ALKBH2: variants seen among roughly 807,000 people sequenced by gnomAD.
ALKBH2 encodes DNA oxidative demethylase ALKBH2.
A neutral mutation model predicts 19.7 loss-of-function variants in ALKBH2; 19 were observed. The ratio of observed to expected loss-of-function variants is 0.97; its 90% confidence interval spans 0.67 to 1.42. The LOEUF (loss-of-function observed/expected upper bound fraction) is 1.42, where lower values mean the gene tolerates loss of function less well. Ranked by LOEUF, ALKBH2 falls within the 40% of genes most tolerant of loss-of-function variation. The probability of loss-of-function intolerance (pLI) is 0.00; values close to 1 mark genes in which losing one functional copy is unlikely to be tolerated. For synonymous variants in ALKBH2, 135 were observed against 131.2 expected (o/e 1.03, Z -0.20); for missense variants, 310 against 328.5 (o/e 0.94, Z 0.43).
Position 109,088,344 on chromosome 12 carries a change from C to T in ALKBH2, c.648G>A (p.Leu216=). ...TTAGTAAGCTCCCGTGGGCCAGCGGCAGCCTGACCACCGCCACCCTCCTGG... is the reference window on the plus strand; with the variant it reads ...TTAGTAAGCTCCCGTGGGCCAGCGGTAGCCTGACCACCGCCACCCTCCTGG... ...SPSRRVAVVR[L]PLAHGSLLMM... Residue 216 remains leucine (L), a synonymous_variant, in exon 4 of 4, where the codon CTG becomes CTA. Transcript: ENST00000429722. The surrounding 1 kb of genome is among the most constrained non-coding windows in gnomAD (Gnocchi z 4.2). 1 of 1,614,100 alleles carries T rather than the reference C, an allele frequency of 6.2e-7. No individual in the cohort carries two copies. Among genetic ancestry groups the T allele is most frequent in the Non-Finnish European group, 8.5e-7 (1 of 1,180,008 alleles).
rs755463064 is a variant in ALKBH2 at position 109,088,329 on chromosome 12, C to T, written c.663G>A (p.Gly221=). 1.6e-5 allele frequency: 26 copies of T among 1,614,040 alleles called. No individual in the cohort carries two copies. The highest frequency in any genetic ancestry group is 1.9e-5 in the Non-Finnish European group (23 of 1,180,032). ...VAVVRLPLAH[G]SLLMMNHPTN... ...TCGGGTGGTTCATCATTAGTAAGCT[C>T]CCGTGGGCCAGCGGCAGCCTGACCA... Residue 221 remains glycine (G), a synonymous_variant, in exon 4 of 4, where the codon GGG becomes GGA. Coordinates refer to ENST00000429722, the MANE Select transcript of ALKBH2 (RefSeq NM_001145374.2). This position sits in a 1 kb window ranked among gnomAD's most constrained non-coding sequence, Gnocchi z 4.2.
In ALKBH2 at chr12:109,093,463, TG is replaced by T; in HGVS notation, c.-369del. The T allele has an allele frequency of 6.6e-6, 1 of 152,374 alleles. No individual in the cohort carries two copies. 9.4% of individuals were successfully genotyped at this position (152,374 alleles called of 1,614,324 possible). On this transcript the variant is annotated 5_prime_UTR_variant, in exon 1 of 4. Transcript: ENST00000429722. ...CGCAGTCACCCTGGTGGCCTCGTGG[TG>T]GGAAAGACGCGCCCCAGCGAATCGG...
In ALKBH2 at chr12:109,088,337, CCAGCGGCAG is replaced by C; in HGVS notation, c.646_654del (p.Leu216_Leu218del). 6.2e-7 allele frequency: 1 copy of C among 1,614,084 alleles called. No individual in the cohort carries two copies. Among genetic ancestry groups the C allele is most frequent in the Non-Finnish European group, 8.5e-7 (1 of 1,180,012 alleles). ...TTCATCATTAGTAAGCTCCCGTGGGCCAGCGGCAGCCTGACCACCGCCACCCTCCTGGAG... is the reference window on the plus strand; with the variant it reads ...TTCATCATTAGTAAGCTCCCGTGGGCCCTGACCACCGCCACCCTCCTGGAG... On this transcript the variant is annotated inframe_deletion, in exon 4 of 4. Coordinates refer to ENST00000429722, the MANE Select transcript of ALKBH2 (RefSeq NM_001145374.2). The surrounding 1 kb of genome is among the most constrained non-coding windows in gnomAD (Gnocchi z 4.2).
chr12:109,092,612 G>A lies in ALKBH2; in HGVS notation c.175C>T (p.His59Tyr). The A allele has an allele frequency of 6.2e-7, 1 of 1,614,170 alleles. No homozygotes were observed. Among genetic ancestry groups the A allele is most frequent in the Non-Finnish European group, 8.5e-7 (1 of 1,180,018 alleles). ...GGHSAGPSWR[H>Y]IRAEGLDCSY... ...CAGTCCAGGCCCTCAGCCCGAATGT[G>A]CCGCCAGCTAGGGCCTGCTGAGTGG... is the stretch of plus-strand genomic sequence containing the variant. Residue 59 changes from histidine (H) to tyrosine (Y), a missense_variant, in exon 2 of 4, where the codon CAC (histidine) becomes TAC (tyrosine). Transcript: ENST00000429722.
rs1321208039 is a variant in ALKBH2 at position 109,088,520 on chromosome 12, G to A, written c.480-8C>T. 6.3e-7 allele frequency: 1 copy of A among 1,576,580 alleles called. No homozygotes were observed. The highest frequency in any genetic ancestry group is 8.6e-7 in the Non-Finnish European group (1 of 1,158,302). ...TCACAGCCATCTTTATACCTGCAAT[G>A]AGAAAACAAACACAGTGCATAAAAA... On this transcript the variant is annotated splice_polypyrimidine_tract_variant and splice_region_variant and intron_variant, in intron 3 of 3. Coordinates refer to ENST00000429722, the MANE Select transcript of ALKBH2 (RefSeq NM_001145374.2). This position sits in a 1 kb window ranked among gnomAD's most constrained non-coding sequence, Gnocchi z 4.2.
At chr12:109,092,341 T>C in intron 2 of ALKBH2, 166 bp downstream of exon 2, 1 of 1,106,442 alleles carries the variant, frequency 9.0e-7, no homozygotes, top group Non-Finnish European at 1.2e-6. Flanking sequence ...CCCAAGCACC[T>C]AAGGGGCTTA....
In ALKBH2 at chr12:109,088,239, C is replaced by CAA; in HGVS notation, c.752_753insTT (p.Thr252Ter). The stretch of plus-strand genomic sequence containing the variant: ...TAGTAAGCAAAATTTTACGAAAAGT[C>CAA]AGATTCACCCGTGGAGCCAGAACCT... On this transcript the variant is annotated frameshift_variant, in exon 4 of 4. Coordinates refer to ENST00000429722, the MANE Select transcript of ALKBH2 (RefSeq NM_001145374.2). LOFTEE classifies it high-confidence loss of function. The surrounding 1 kb of genome is among the most constrained non-coding windows in gnomAD (Gnocchi z 4.2). The CAA allele has an allele frequency of 6.3e-7, 1 of 1,597,770 alleles. No individual in the cohort carries two copies. Among genetic ancestry groups the CAA allele is most frequent in the Non-Finnish European group, 8.5e-7 (1 of 1,171,722 alleles).
chr12:109,088,562 C>A lies in ALKBH2; in HGVS notation c.480-50G>T. The A allele has an allele frequency of 6.6e-7, 1 of 1,505,166 alleles. No homozygotes were observed. Among genetic ancestry groups the A allele is most frequent in the South Asian group, 1.3e-5 (1 of 78,134 alleles). The allele number at this position is 1,505,166 out of a possible 1,614,324, so 93.2% of individuals were successfully genotyped here. On this transcript the variant is annotated intron_variant, in intron 3 of 3. Coordinates refer to ENST00000429722, the MANE Select transcript of ALKBH2 (RefSeq NM_001145374.2). This position sits in a 1 kb window ranked among gnomAD's most constrained non-coding sequence, Gnocchi z 4.2. The stretch of plus-strand genomic sequence containing the variant: ...GCATAAAAACAACCCTCTCCTGAAA[C>A]TCACCAGCACCGCCAGCCCTCGTTT...
intron 3 of ALKBH2, among the ~76,000 whole-genome samples, chr12:109,089,306 TGCC>T (rs756872103): frequency 2.0e-5 from 3 of 152,172 alleles, no homozygotes; most frequent in Non-Finnish European, 2.9e-5. Flanking sequence ...TCAAACGCAC[TGCC>T]TCAGCCCTCC....
intron 2 of ALKBH2, among the ~76,000 whole-genome samples, chr12:109,091,378 C>A (rs772471406): frequency 2.6e-5 from 4 of 152,106 alleles, no homozygotes; most frequent in Non-Finnish European, 4.4e-5. Context: ...AGAGCGAGAC[C>A]CTGTCTCAAA....
chr12:109,090,275 A>G (rs981202695), intron 2 of ALKBH2, 68 bp from the exon 3 acceptor site: 6 of 1,402,248 alleles, frequency 4.3e-6, no homozygotes, highest in African/African-American at 1.4e-5. Flanking sequence ...TGCCCCCCCC[A>G]ACCCGCACTG....
intron 2 of ALKBH2, 65 bp from the exon 3 acceptor site, chr12:109,090,272 C>CT: frequency 6.8e-7 from 1 of 1,472,120 alleles, no homozygotes; most frequent in Middle Eastern, 2.2e-4. Context: ...AGATGCCCCC[C>CT]CCAACCCGCA....
chr12:109,089,768 A>C lies in ALKBH2; in HGVS notation c.479+241T>G, dbSNP rs1028124581. ...TGTCTCAAAAAAAAAAAAGAAAGAA[A>C]AAGAGAAGAAGAAATTATCTCATTC... is the stretch of plus-strand genomic sequence containing the variant. On this transcript the variant is annotated intron_variant, in intron 3 of 3. Transcript: ENST00000429722. 5.5e-5 allele frequency: 30 copies of C among 540,676 alleles called. No individual in the cohort carries two copies. In the Admixed American group the frequency reaches 9.4e-4, roughly 17 times the overall value. 33.5% of individuals were successfully genotyped at this position (540,676 alleles called of 1,614,324 possible).
chr12:109,090,053 G>C lies in ALKBH2; in HGVS notation c.435C>G (p.Val145=), dbSNP rs925456342. ...TGAAGGTCTGTCCAGTCACCCCAGA[G>C]ACGTGATCCCGGATGCGCTCTAGAA... ...IPVLERIRDH[V]SGVTGQTFNF... is the part of the protein sequence containing the mutation. The change falls in exon 3 of 4, where the codon GTC becomes GTG. Residue 145 remains valine (V), a synonymous_variant. Transcript: ENST00000429722. 1 of 1,614,110 alleles carries C rather than the reference G, an allele frequency of 6.2e-7. No individual in the cohort carries two copies. Among genetic ancestry groups the C allele is most frequent in the African/African-American group, 1.3e-5 (1 of 74,944 alleles).
chr12:109,092,934 T>C lies in ALKBH2; in HGVS notation c.-148A>G, dbSNP rs1310345109. ...ATTTTCATTTTAAAGTTTAAAACCA[T>C]GTCCTAGAAAGGAAACAGAAGATGT... On this transcript the variant is annotated 5_prime_UTR_variant, in exon 2 of 4. The change abolishes an upstream ATG in the 5' untranslated region. Transcript: ENST00000429722. 1 of 1,448,698 alleles carries C rather than the reference T, an allele frequency of 6.9e-7. No homozygotes were observed. The allele number at this position is 1,448,698 out of a possible 1,614,324, so 89.7% of individuals were successfully genotyped here.
chr12:109,091,430 C>A (rs766544203), intron 2 of ALKBH2, among the ~76,000 whole-genome samples: 12 of 152,092 alleles, frequency 7.9e-5, no homozygotes, highest in Non-Finnish European at 1.3e-4. Context: ...ACTATGTTGC[C>A]CAGGCTGGAC....
At chr12:109,089,877 A>C (rs934294522) in intron 3 of ALKBH2, 132 bp downstream of exon 3, 4 of 931,716 alleles carry the variant, frequency 4.3e-6, no homozygotes, top group Admixed American at 2.1e-5. Context: ...TGCTGGCGCT[A>C]TTCCACTCTT....
rs1335884404 is a variant in ALKBH2, at chr12:109,090,114, G to A, written c.374C>T (p.Ser125Leu). ...GGGCTTTGGAGACAGCGTGAGGCCT[G>A]AAAATGTGTAGGTCAGCCCAGCGTC... ...YGDAGLTYTF[S>L]GLTLSPKPWI... The change falls in exon 3 of 4, where the codon TCA becomes TTA. Residue 125 changes from serine to leucine, a missense_variant. By Grantham distance (145) the Ser-to-Leu change is moderately radical. Transcript: ENST00000429722. 3 of 1,614,100 alleles carry A rather than the reference G, an allele frequency of 1.9e-6. No individual in the cohort carries two copies. The highest frequency in any genetic ancestry group is 1.3e-5 in the African/African-American group (1 of 74,932).
chr12:109,092,493 A>C lies in ALKBH2; in HGVS notation c.280+14T>G, dbSNP rs1015866330. 18 of 1,547,622 alleles carry C rather than the reference A, an allele frequency of 1.2e-5. No homozygotes were observed. Among genetic ancestry groups the C allele is most frequent in the Non-Finnish European group, 1.4e-5 (16 of 1,146,478 alleles). On this transcript the variant is annotated intron_variant, in intron 2 of 3. Coordinates refer to ENST00000429722, the MANE Select transcript of ALKBH2 (RefSeq NM_001145374.2). ...TCAATGCACACACACACACACACACACCCCTCTGCTTACCTGTAAAATATT... is the reference window on the plus strand; with the variant it reads ...TCAATGCACACACACACACACACACCCCCCTCTGCTTACCTGTAAAATATT...
Sources: allele counts gnomAD v4.1 joint callset (sites outside exome capture counted in the v4.1 genomes callset), GRCh38; gene constraint gnomAD v4.1.1; non-coding constraint Gnocchi (gnomAD v3.1); transcripts MANE v1.5; gene names NCBI Gene and HGNC (gene_info 2026-07-23, HGNC 2026-07-21).